ZNF475: variants seen among roughly 807,000 people sequenced by gnomAD.
ZNF475 encodes the protein zinc finger protein 475.
the ZNF475 span, chr5:122,179,825 G>A: frequency 4.4e-6 from 4 of 911,060 alleles, no homozygotes; most frequent in African/African-American, 1.7e-5. Flanking sequence ...TTGTTCAAAC[G>A]ACCAAAATCA....
chr5:122,165,064 A>G, the ZNF475 span, among the ~76,000 whole-genome samples: 141 of 152,348 alleles, frequency 9.3e-4, no homozygotes, highest in African/African-American at 3.1e-3. Flanking sequence ...TGTACCCAGC[A>G]CAGTCCCTGG....
chr5:122,160,357 C>T, the ZNF475 span: 3 of 1,025,646 alleles, frequency 2.9e-6, no homozygotes, highest in East Asian at 6.0e-5. Context: ...ATGTGTGTGT[C>T]GAAGGTGGGG....
the ZNF475 span, among the ~76,000 whole-genome samples, chr5:122,170,245 C>T: frequency 1.3e-5 from 2 of 152,128 alleles, no homozygotes; most frequent in Non-Finnish European, 2.9e-5. Context: ...CAGACAACTG[C>T]GTGTTGTCCC....
chr5:122,177,166 A>G, the ZNF475 span, among the ~76,000 whole-genome samples: 1 of 152,214 alleles, frequency 6.6e-6, no homozygotes, highest in Admixed American at 6.5e-5. Flanking sequence ...AACCTTGGTG[A>G]GGAAACTGGG....
At chr5:122,174,215 C>G in the ZNF475 span, among the ~76,000 whole-genome samples, 14 of 152,304 alleles carry the variant, frequency 9.2e-5, no homozygotes, top group South Asian at 2.9e-3. Flanking sequence ...CCCCACATAT[C>G]CACTTCTATC....
the ZNF475 span, among the ~76,000 whole-genome samples, chr5:122,169,021 G>A: frequency 1.3e-5 from 2 of 152,198 alleles, no homozygotes; most frequent in Non-Finnish European, 2.9e-5. Flanking sequence ...ACCTTCAACT[G>A]TTTTCTCAAG....
the ZNF475 span, among the ~76,000 whole-genome samples, chr5:122,178,528 G>A: frequency 1.6e-3 from 239 of 152,328 alleles, no homozygotes; most frequent in African/African-American, 5.4e-3. Flanking sequence ...CTGCATAAAT[G>A]TCTTCTTTTG....
At chr5:122,160,351 G>A in the ZNF475 span, 10 of 1,077,738 alleles carry the variant, frequency 9.3e-6, no homozygotes, top group African/African-American at 1.5e-4. Flanking sequence ...TGGAATATGT[G>A]TGTGTCGAAG....
At chr5:122,176,292 T>G in the ZNF475 span, among the ~76,000 whole-genome samples, 101 of 151,168 alleles carry the variant, frequency 6.7e-4, no homozygotes, top group Non-Finnish European at 1.2e-3. Context: ...TTTCATGGTT[T>G]TAAACATTTT....
the ZNF475 span, among the ~76,000 whole-genome samples, chr5:122,165,705 T>G: frequency 6.6e-6 from 1 of 151,010 alleles, no homozygotes; most frequent in Admixed American, 6.6e-5. Context: ...GCTATTTTGA[T>G]GTAGGGATGA....
At chr5:122,165,851 G>A in the ZNF475 span, among the ~76,000 whole-genome samples, 6 of 152,132 alleles carry the variant, frequency 3.9e-5, no homozygotes, top group African/African-American at 1.2e-4. Context: ...GAAGGACACA[G>A]GCGTTTCATT....
the ZNF475 span, among the ~76,000 whole-genome samples, chr5:122,181,548 C>T: frequency 6.6e-6 from 1 of 152,110 alleles, no homozygotes; most frequent in Non-Finnish European, 1.5e-5. Flanking sequence ...TAGGAGCAGA[C>T]ATGTTAAAAA....
the ZNF475 span, among the ~76,000 whole-genome samples, chr5:122,177,616 A>C: frequency 6.6e-6 from 1 of 152,138 alleles, no homozygotes; most frequent in Non-Finnish European, 1.5e-5. Context: ...TAATCTTTTA[A>C]TTGCCAAAAA....
the ZNF475 span, among the ~76,000 whole-genome samples, chr5:122,167,302 G>C: frequency 6.6e-6 from 1 of 151,890 alleles, no homozygotes; most frequent in Non-Finnish European, 1.5e-5. Context: ...ATGTAAATGG[G>C]GTTGCTTCCT....
chr5:122,182,329 T>G, the ZNF475 span, among the ~76,000 whole-genome samples: 2 of 152,248 alleles, frequency 1.3e-5, no homozygotes, highest in African/African-American at 2.4e-5. Flanking sequence ...ATGATTTGTT[T>G]AAAATACTCA....
the ZNF475 span, among the ~76,000 whole-genome samples, chr5:122,164,776 A>C: frequency 9.3e-4 from 142 of 152,268 alleles, 1 homozygote; most frequent in African/African-American, 3.3e-3. Context: ...GAGTTCAAAC[A>C]TGTTAGAGGG....
the ZNF475 span, among the ~76,000 whole-genome samples, chr5:122,174,305 T>C: frequency 6.6e-6 from 1 of 152,222 alleles, no homozygotes; most frequent in Non-Finnish European, 1.5e-5. Context: ...GCAGTGGCAA[T>C]AACCACAAGT....
chr5:122,179,099 A>G, the ZNF475 span, among the ~76,000 whole-genome samples: 42 of 151,864 alleles, frequency 2.8e-4, no homozygotes, highest in Non-Finnish European at 1.6e-4. Flanking sequence ...GGTCTATATA[A>G]CTGTTTTGGT....
the ZNF475 span, among the ~76,000 whole-genome samples, chr5:122,167,873 C>A: frequency 7.5e-4 from 115 of 152,330 alleles, 3 homozygotes; most frequent in East Asian, 0.019. Flanking sequence ...TAAATACAAT[C>A]ATGCTGTGTG....
Sources: allele counts gnomAD v4.1 joint callset (sites outside exome capture counted in the v4.1 genomes callset), GRCh38; gene constraint gnomAD v4.1.1; transcripts MANE v1.5; gene names NCBI Gene and HGNC (gene_info 2026-07-23, HGNC 2026-07-21).